The following ARHGEF26 variants were observed in gnomAD, a reference collection of about 807,000 sequenced individuals.
ARHGEF26 encodes Rho guanine nucleotide exchange factor 26, also known as Rho guanine nucleotide exchange factor (GEF) 26.
A neutral mutation model predicts 89.4 loss-of-function variants in ARHGEF26; 59 were observed. That is an observed-to-expected ratio of 0.66 (90% CI 0.54 to 0.82). ARHGEF26 has a LOEUF of 0.82. ARHGEF26 is among the 40% of genes least tolerant of loss of function. ARHGEF26 has a pLI of 0.00. For missense variants in ARHGEF26, 1,234 were observed against 1,085.6 expected (o/e 1.14, Z -1.92); for synonymous variants, 500 against 428.4 (o/e 1.17, Z -2.06).
chr3:154,194,626 A>T lies in ARHGEF26; in HGVS notation c.1771-18A>T. On this transcript the variant is annotated intron_variant, in intron 8 of 14. Coordinates refer to ENST00000465093, the MANE Select transcript of ARHGEF26 (RefSeq NM_015595.4). ...TAAAATAGATCAATAAATTTTGTTC[A>T]CTTTTATTTCATTACAGACTATCTG... The T allele has an allele frequency of 9.5e-6, 15 of 1,581,648 alleles. No individual in the cohort carries two copies. The highest frequency in any genetic ancestry group is 1.3e-5 in the Non-Finnish European group (15 of 1,157,802).
chr3:154,187,144 C>T, intron 6 of ARHGEF26: 1 of 726,696 alleles, frequency 1.4e-6, no homozygotes. Context: ...CCCGCTTCGG[C>T]CTCCCAGAGT....
chr3:154,241,948 T>C (rs941473504), intron 12 of ARHGEF26, among the ~76,000 whole-genome samples: 3 of 152,216 alleles, frequency 2.0e-5, no homozygotes, highest in South Asian at 2.1e-4. Flanking sequence ...ACTGTACAGA[T>C]GAGCCTAGGA....
In ARHGEF26 at chr3:154,121,950, A is replaced by C; in HGVS notation, c.-43A>C. 6.5e-7 allele frequency: 1 copy of C among 1,545,654 alleles called. No homozygotes were observed. Among genetic ancestry groups the C allele is most frequent in the Non-Finnish European group, 8.8e-7 (1 of 1,142,280 alleles). On this transcript the variant is annotated 5_prime_UTR_variant, in exon 2 of 15. Coordinates refer to ENST00000465093, the MANE Select transcript of ARHGEF26 (RefSeq NM_015595.4). ...ACTTCTTTCCTCTTTAGGCAAGACT[A>C]ACTCGGTGTTGCTCCTCCCGGCGCT... is the stretch of plus-strand genomic sequence containing the variant.
intron 3 of ARHGEF26, among the ~76,000 whole-genome samples, chr3:154,127,351 C>A (rs1304724874): frequency 6.6e-6 from 1 of 152,116 alleles, no homozygotes; most frequent in Non-Finnish European, 1.5e-5. Context: ...ATACCTATTC[C>A]ATAAGCTTTT....
chr3:154,193,621 G>T (rs1388402781), intron 8 of ARHGEF26, among the ~76,000 whole-genome samples: 1 of 152,158 alleles, frequency 6.6e-6, no homozygotes, highest in Admixed American at 6.5e-5. Flanking sequence ...TACCTCATTT[G>T]GAAATTCAGT....
chr3:154,125,963 C>T (rs999752783), intron 3 of ARHGEF26, among the ~76,000 whole-genome samples: 2 of 152,082 alleles, frequency 1.3e-5, no homozygotes, highest in Non-Finnish European at 1.5e-5. Flanking sequence ...TGAGAAAAAC[C>T]CTTAATATCA....
In ARHGEF26 at chr3:154,122,523, C is replaced by G; in HGVS notation, c.531C>G (p.Gly177=). The G allele has an allele frequency of 6.2e-7, 1 of 1,613,474 alleles. No homozygotes were observed. ...ASPVPSPTAN[G]LAANNDSPGS... ...CGGTGCCTTCGCCCACTGCAAATGG[C>G]CTTGCCGCTAATAACGACTCTCCTG... Residue 177 remains glycine, a synonymous_variant, in exon 2 of 15, where the codon GGC becomes GGG. Transcript: ENST00000465093.
chr3:154,189,267 A>G (rs1373467038), intron 7 of ARHGEF26, among the ~76,000 whole-genome samples: 2 of 151,950 alleles, frequency 1.3e-5, no homozygotes, highest in Non-Finnish European at 2.9e-5. Flanking sequence ...TAGCTTAATG[A>G]TAACATCATC....
chr3:154,214,808 G>A (rs76128190), intron 9 of ARHGEF26, among the ~76,000 whole-genome samples: 1 of 152,058 alleles, frequency 6.6e-6, no homozygotes, highest in East Asian at 1.9e-4. Context: ...TGCAGTTTCA[G>A]GTTGCTCCTG....
In ARHGEF26 at chr3:154,142,038, T is replaced by C. The variant is rs555349710; in HGVS notation, c.1270-7351T>C. On this transcript the variant is annotated intron_variant, in intron 4 of 14. Transcript: ENST00000465093. ...ATAGAAATGAAATGTCTGAATGATATTTTGAAAGGATGTAGGACAGAATGC... is the reference window on the plus strand; with the variant it reads ...ATAGAAATGAAATGTCTGAATGATACTTTGAAAGGATGTAGGACAGAATGC... Among the ~76,000 whole-genome samples the C allele has an allele frequency of 5.3e-5, 8 of 152,232 alleles. No homozygotes were observed. In the South Asian group the frequency reaches 1.7e-3, roughly 32 times the overall value.
At chr3:154,154,306 A>T (rs1235104778) in intron 6 of ARHGEF26, among the ~76,000 whole-genome samples, 1 of 152,036 alleles carries the variant, frequency 6.6e-6, no homozygotes, top group Non-Finnish European at 1.5e-5. Flanking sequence ...TGTCTTTTGA[A>T]ATGAGGTGGT....
intron 3 of ARHGEF26, among the ~76,000 whole-genome samples, chr3:154,125,995 T>A (rs1452399537): frequency 6.6e-6 from 1 of 152,176 alleles, no homozygotes; most frequent in African/African-American, 2.4e-5. Flanking sequence ...CTGAGCCACC[T>A]CATGTGTGAA....
intron 10 of ARHGEF26, among the ~76,000 whole-genome samples, chr3:154,223,054 G>A (rs1367804983): frequency 4.6e-5 from 7 of 152,196 alleles, no homozygotes; most frequent in African/African-American, 1.7e-4. Context: ...TTTAAAAGTT[G>A]CCTCTACAGA....
chr3:154,122,038 C>CTT lies in ARHGEF26; in HGVS notation c.46_47insTT (p.Pro16LeufsTer33). 1.9e-6 allele frequency: 3 copies of CTT among 1,611,486 alleles called. No homozygotes were observed. Among genetic ancestry groups the CTT allele is most frequent in the Non-Finnish European group, 2.5e-6 (3 of 1,177,946 alleles). ...GGATTTTTCTAGCAACAGCATAACC[C>CTT]CTTTGTGGCGGAGGCGGTCGATTCC... is the stretch of plus-strand genomic sequence containing the variant. On this transcript the variant is annotated frameshift_variant, in exon 2 of 15. Transcript: ENST00000465093. LOFTEE classifies it high-confidence loss of function.
intron 11 of ARHGEF26, among the ~76,000 whole-genome samples, chr3:154,232,962 G>C (rs1055407046): frequency 1.3e-5 from 2 of 151,884 alleles, no homozygotes; most frequent in African/African-American, 4.8e-5. Flanking sequence ...GGAGTAGCTG[G>C]GACTACAGGT....
intron 11 of ARHGEF26, among the ~76,000 whole-genome samples, chr3:154,235,861 C>A (rs1051649834): frequency 1.3e-5 from 2 of 152,168 alleles, no homozygotes; most frequent in Non-Finnish European, 2.9e-5. Context: ...GTTGGCATCT[C>A]TTTATTCTTG....
chr3:154,211,109 T>C (rs1166073687), intron 9 of ARHGEF26, among the ~76,000 whole-genome samples: 2 of 151,958 alleles, frequency 1.3e-5, no homozygotes, highest in African/African-American at 4.8e-5. Flanking sequence ...GGGTCTCTTT[T>C]GGAGCCCCAG....
intron 13 of ARHGEF26, 113 bp from the exon 14 acceptor site, chr3:154,254,607 T>G (rs1718363876): frequency 1.3e-6 from 1 of 756,306 alleles, no homozygotes; most frequent in Non-Finnish European, 2.2e-6. Context: ...CCCAACTTGT[T>G]TCTCTCAATG....
Position 154,213,239 on chromosome 3 carries a change from G to GTATATA in ARHGEF26, c.1846-4629_1846-4628insATATAT, listed in dbSNP as rs1227037124. ...AGAGTGTGTGTGTGTGTGTGTGTGT[G>GTATATA]TGTATATATATATATATGCTTTTGT... On this transcript the variant is annotated intron_variant, in intron 9 of 14. Coordinates refer to ENST00000465093, the MANE Select transcript of ARHGEF26 (RefSeq NM_015595.4). 8.6e-3 allele frequency among the ~76,000 whole-genome samples: 1,120 copies of GTATATA among 129,912 alleles called. 14 individuals carry two copies. Among genetic ancestry groups the GTATATA allele is most frequent in the South Asian group, 0.057 (193 of 3,394 alleles). The allele number at this position is 129,912 out of a possible 152,430, so 85.2% of individuals were successfully genotyped here.
Sources: gnomAD v4.1 joint callset for allele counts (sites outside exome capture counted in the v4.1 genomes callset) on GRCh38, gnomAD v4.1.1 for gene constraint, MANE v1.5 for transcripts, NCBI Gene and HGNC (gene_info 2026-07-23, HGNC 2026-07-21) for gene names.